The following CHL1 variants were observed in gnomAD, a reference collection of about 807,000 sequenced individuals.
CHL1 encodes cell adhesion molecule L1 like, also known as neural cell adhesion molecule L1-like protein.
A neutral mutation model predicts 141.9 loss-of-function variants in CHL1; 96 were observed. The observed-to-expected ratio is 0.68, with a 90% CI of 0.57 to 0.80. The LOEUF (loss-of-function observed/expected upper bound fraction) is 0.80. CHL1 is among the 30% of genes least tolerant of loss of function. The probability of loss-of-function intolerance (pLI) is 0.00; values close to 1 mark genes in which losing one functional copy is unlikely to be tolerated. For synonymous variants in CHL1, 613 were observed against 502.2 expected (o/e 1.22, Z -2.95); for missense variants, 1,820 against 1,457.2 (o/e 1.25, Z -4.05).
intron 3 of CHL1, among the ~76,000 whole-genome samples, chr3:321,942 G>A (rs73009521): frequency 0.11 from 17,020 of 151,928 alleles, 1,240 homozygotes; most frequent in East Asian, 0.33. Context: ...TATTAGCTCC[G>A]TTCCCCAAAT....
chr3:235,160 T>C (rs1691842779), intron 1 of CHL1, among the ~76,000 whole-genome samples: 1 of 152,022 alleles, frequency 6.6e-6, no homozygotes, highest in Non-Finnish European at 1.5e-5. Flanking sequence ...CCCCTCTTTC[T>C]AAACATTATT....
intron 2 of CHL1, among the ~76,000 whole-genome samples, chr3:277,991 G>GGCAGGAATGTGGAGTGTGTTTGTGA (rs1696307419): frequency 3.3e-5 from 5 of 152,160 alleles, no homozygotes; most frequent in Admixed American, 6.5e-5. Context: ...TATTTTACTA[G>GGCAGGAATGTGGAGTGTGTTTGTGA]GCAGGAATGT....
chr3:209,630 ATG>A (rs1430893018), intron 1 of CHL1, among the ~76,000 whole-genome samples: 1 of 152,108 alleles, frequency 6.6e-6, no homozygotes, highest in African/African-American at 2.4e-5. Flanking sequence ...TTTGTTACAT[ATG>A]TATACATGTG....
At chr3:341,041 G>C (rs938271698) in intron 6 of CHL1, 125 bp downstream of exon 6, 2 of 977,570 alleles carry the variant, frequency 2.0e-6, no homozygotes, top group Non-Finnish European at 3.0e-6. Context: ...TATTTGAAGA[G>C]GAGATGCTAC....
chr3:390,848 T>G, intron 21 of CHL1, 32 bp downstream of exon 21: 2 of 1,508,778 alleles, frequency 1.3e-6, no homozygotes, highest in South Asian at 1.1e-5. Context: ...CCTCTTCTTG[T>G]TGAATTGGTA....
In CHL1 at chr3:287,237, T is replaced by G. The variant is rs550642855; in HGVS notation, c.-94-32446T>G. ...TATTATATATTAATACATATTATAT[T>G]TACCATCATTAGAATGTAAATTCTA... is the stretch of plus-strand genomic sequence containing the variant. On this transcript the variant is annotated intron_variant, in intron 2 of 27. Transcript: ENST00000256509. 4.9e-4 allele frequency among the ~76,000 whole-genome samples: 74 copies of G among 152,030 alleles called. 1 individual carries two copies. Among genetic ancestry groups the G allele is most frequent in the Non-Finnish European group, 9.0e-4 (61 of 67,976 alleles).
chr3:201,733 C>T (rs1046806974), intron 1 of CHL1, among the ~76,000 whole-genome samples: 2 of 152,016 alleles, frequency 1.3e-5, no homozygotes, highest in African/African-American at 4.8e-5. Flanking sequence ...ATATTTTATG[C>T]TTTGACCAGG....
rs541436066 is a variant in CHL1 at position 322,020 on chromosome 3, T to A, written c.91+2153T>A. ...AAAGAATAATGTTCTAATAAACAAG[T>A]TGTTCACAAGTTATTAGCTGATATC... On this transcript the variant is annotated intron_variant, in intron 3 of 27. Transcript: ENST00000256509. Among the ~76,000 whole-genome samples the A allele has an allele frequency of 2.0e-5, 3 of 152,212 alleles. No individual in the cohort carries two copies. In the South Asian group the frequency reaches 6.2e-4, roughly 32 times the overall value.
intron 2 of CHL1, among the ~76,000 whole-genome samples, chr3:263,629 T>A (rs1014448788): frequency 1.3e-5 from 2 of 152,230 alleles, no homozygotes; most frequent in African/African-American, 4.8e-5. Flanking sequence ...TGCATCTAGC[T>A]TTGATTTATT....
chr3:339,029 A>G (rs1197301065), intron 5 of CHL1, among the ~76,000 whole-genome samples: 1 of 152,162 alleles, frequency 6.6e-6, no homozygotes, highest in African/African-American at 2.4e-5. Flanking sequence ...TTTGCTTGTT[A>G]TCGAAGTGGA....
intron 5 of CHL1, among the ~76,000 whole-genome samples, chr3:329,185 T>A (rs948504028): frequency 2.6e-5 from 4 of 152,098 alleles, no homozygotes; most frequent in Non-Finnish European, 5.9e-5. Flanking sequence ...TATCCACCAT[T>A]ACACAATTTT....
Position 363,218 on chromosome 3 carries a change from C to G in CHL1, c.1420C>G (p.Gln474Glu). 6.2e-7 allele frequency: 1 copy of G among 1,607,652 alleles called. No homozygotes were observed. The highest frequency in any genetic ancestry group is 8.5e-7 in the Non-Finnish European group (1 of 1,177,834). ...FASPEAVVSWQKVEEVKPLEG... is the reference protein window; with the variant it reads ...FASPEAVVSWEKVEEVKPLEG... The stretch of plus-strand genomic sequence containing the variant: ...GATGTACGCTTTCTTTGTCCATAGG[C>G]AGAAGGTGGAAGAAGTGAAACCCCT... Residue 474 changes from glutamine to glutamate, a missense_variant and splice_region_variant, in exon 14 of 28, where the codon CAG becomes GAG. Coordinates refer to ENST00000256509, the MANE Select transcript of CHL1 (RefSeq NM_006614.4).
chr3:253,852 T>A (rs1693918347), intron 2 of CHL1, among the ~76,000 whole-genome samples: 1 of 152,208 alleles, frequency 6.6e-6, no homozygotes, highest in Admixed American at 6.5e-5. Context: ...TGCTCCTGAA[T>A]TAAAATTGCA....
At chr3:252,361 G>GATAGATAT (rs1553596099) in intron 2 of CHL1, among the ~76,000 whole-genome samples, 2 of 54,274 alleles carry the variant, frequency 3.7e-5, no homozygotes, top group East Asian at 1.0e-3. Flanking sequence ...AAAGCATCCA[G>GATAGATAT]ATATATATAT....
intron 1 of CHL1, among the ~76,000 whole-genome samples, chr3:200,635 A>G (rs982096390): frequency 2.0e-5 from 3 of 152,196 alleles, no homozygotes; most frequent in Non-Finnish European, 4.4e-5. Context: ...TTGTTCCTGG[A>G]AAAATATTGT....
chr3:219,688 C>A (rs111806818), intron 1 of CHL1, among the ~76,000 whole-genome samples: 3,403 of 152,106 alleles, frequency 0.022, 146 homozygotes, highest in African/African-American at 0.076. Context: ...CACACTGGGG[C>A]CTACTTGAAG....
chr3:357,183 G>A (rs142535214), intron 11 of CHL1, among the ~76,000 whole-genome samples: 173 of 152,328 alleles, frequency 1.1e-3, no homozygotes, highest in South Asian at 1.9e-3. Flanking sequence ...CAAGCTCGGT[G>A]TTCTGTTCAC....
chr3:218,872 C>A (rs376653196), intron 1 of CHL1, among the ~76,000 whole-genome samples: 5 of 152,140 alleles, frequency 3.3e-5, no homozygotes, highest in Non-Finnish European at 2.9e-5. Flanking sequence ...GTAGGCCGGG[C>A]GCACTGGCTC....
chr3:387,600 A>T (rs1559345796), intron 19 of CHL1, among the ~76,000 whole-genome samples: 1 of 152,198 alleles, frequency 6.6e-6, no homozygotes, highest in Non-Finnish European at 1.5e-5. Flanking sequence ...TTGGAGCAAA[A>T]TGTGTAAAAT....
Sources: gnomAD v4.1 joint callset for allele counts (sites outside exome capture counted in the v4.1 genomes callset) on GRCh38, gnomAD v4.1.1 for gene constraint, MANE v1.5 for transcripts, NCBI Gene and HGNC (gene_info 2026-07-23, HGNC 2026-07-21) for gene names.